GPC5: variants seen among roughly 807,000 people sequenced by gnomAD.
GPC5 encodes the protein glypican-5.
GPC5 carries 47 observed loss-of-function variants against 53.9 expected under a neutral mutation model. The observed-to-expected ratio is 0.87, with a 90% CI of 0.69 to 1.11. The LOEUF is 1.11. Among genes scored for constraint, GPC5 ranks in the 50% most tolerant of loss-of-function variants. GPC5 has a pLI of 0.00. For synonymous variants in GPC5, 286 were observed against 263.3 expected (o/e 1.09, Z -0.84); for missense variants, 748 against 713.1 (o/e 1.05, Z -0.56).
intron 7 of GPC5, among the ~76,000 whole-genome samples, chr13:92,189,424 G>A (rs898523414): frequency 6.6e-6 from 1 of 152,094 alleles, no homozygotes; most frequent in African/African-American, 2.4e-5. Context: ...GGGACAATGA[G>A]AATGACTTGT....
rs575186327 is a variant in GPC5 at position 91,743,296 on chromosome 13, G to A, written c.1155-12999G>A. On this transcript the variant is annotated intron_variant, in intron 4 of 7. Transcript: ENST00000377067. ...TGAAGAGGATTCAAGTTCAAATTAC[G>A]ATGAAATTGATGATTTTATAGGAGT... 2.1e-4 allele frequency among the ~76,000 whole-genome samples: 32 copies of A among 152,118 alleles called. 1 individual carries two copies. The South Asian group carries it at 4.1e-3, about 20-fold the overall frequency.
At chr13:91,822,170 T>G (rs1418584764) in intron 5 of GPC5, among the ~76,000 whole-genome samples, 2 of 152,120 alleles carry the variant, frequency 1.3e-5, no homozygotes, top group East Asian at 3.9e-4. Context: ...ATCCCCAAAG[T>G]AGAAGTTATT....
chr13:92,201,015 A>G (rs888451406), intron 7 of GPC5, among the ~76,000 whole-genome samples: 2 of 142,846 alleles, frequency 1.4e-5, no homozygotes, highest in South Asian at 2.3e-4. Flanking sequence ...ACACACGCAC[A>G]CACACGGGAG....
At chr13:92,033,036 C>CGTGTGTGT (rs60958496) in intron 6 of GPC5, among the ~76,000 whole-genome samples, 29,032 of 138,748 alleles carry the variant, frequency 0.21, 3,330 homozygotes, top group Admixed American at 0.27. Context: ...TAGTTATTGT[C>CGTGTGTGT]GTGTGTGTGT....
intron 7 of GPC5, among the ~76,000 whole-genome samples, chr13:92,479,036 T>C (rs1879252987): frequency 6.6e-6 from 1 of 152,168 alleles, no homozygotes; most frequent in Non-Finnish European, 1.5e-5. Context: ...TTAGGCAATA[T>C]GTACCTCCAA....
intron 7 of GPC5, among the ~76,000 whole-genome samples, chr13:92,205,139 G>A (rs936238648): frequency 6.6e-6 from 1 of 151,932 alleles, no homozygotes; most frequent in African/African-American, 2.4e-5. Context: ...CGGCCTCCCA[G>A]AGTGCTGGGA....
intron 6 of GPC5, among the ~76,000 whole-genome samples, chr13:91,937,476 C>T (rs1051046158): frequency 3.9e-5 from 6 of 152,068 alleles, no homozygotes; most frequent in East Asian, 1.9e-4. Context: ...AAATCCTCAC[C>T]GGTAAATGCC....
chr13:92,123,475 A>G (rs2041668016), intron 6 of GPC5, among the ~76,000 whole-genome samples: 1 of 152,220 alleles, frequency 6.6e-6, no homozygotes, highest in Non-Finnish European at 1.5e-5. Flanking sequence ...CATGTTTATT[A>G]CAAATTTTAC....
intron 3 of GPC5, among the ~76,000 whole-genome samples, chr13:91,721,105 CT>C: frequency 8.0e-6 from 1 of 125,450 alleles, no homozygotes; most frequent in African/African-American, 3.0e-5. Flanking sequence ...TTCTTTCTTT[CT>C]TTCTTTCTTT....
chr13:92,164,629 A>T (rs2139010992), intron 7 of GPC5, among the ~76,000 whole-genome samples: 1 of 152,256 alleles, frequency 6.6e-6, no homozygotes, highest in Admixed American at 6.5e-5. Flanking sequence ...CCAGGCACAC[A>T]GTGCAAGCTG....
At chr13:92,432,631 T>A (rs560961358) in intron 7 of GPC5, among the ~76,000 whole-genome samples, 15 of 151,828 alleles carry the variant, frequency 9.9e-5, no homozygotes, top group African/African-American at 3.4e-4. Context: ...CGCCTCCGCC[T>A]CCCAAAATGC....
intron 7 of GPC5, among the ~76,000 whole-genome samples, chr13:92,412,323 G>A (rs1876081079): frequency 6.6e-6 from 1 of 152,074 alleles, no homozygotes; most frequent in Non-Finnish European, 1.5e-5. Flanking sequence ...ATATATCAGT[G>A]AGTAAAACAG....
chr13:92,318,865 G>C (rs1280994529), intron 7 of GPC5, among the ~76,000 whole-genome samples: 1 of 152,034 alleles, frequency 6.6e-6, no homozygotes, highest in African/African-American at 2.4e-5. Context: ...ATTTTTGGGG[G>C]GGCTTTTGTT....
intron 4 of GPC5, among the ~76,000 whole-genome samples, chr13:91,740,702 T>C (rs529075278): frequency 4.6e-5 from 7 of 152,234 alleles, no homozygotes; most frequent in African/African-American, 1.4e-4. Flanking sequence ...CAGCAAAGCA[T>C]CACAATTTTC....
At chr13:91,665,096 C>G (rs572705632) in intron 2 of GPC5, among the ~76,000 whole-genome samples, 15 of 152,262 alleles carry the variant, frequency 9.9e-5, no homozygotes, top group African/African-American at 2.9e-4. Flanking sequence ...AGAAATTGCT[C>G]TCTTTGGTAT....
chr13:91,632,839 GA>G (rs1158458953), intron 2 of GPC5, among the ~76,000 whole-genome samples: 1 of 152,128 alleles, frequency 6.6e-6, no homozygotes, highest in Non-Finnish European at 1.5e-5. Flanking sequence ...ACAGAATTTA[GA>G]AAGATTATCT....
At chr13:92,045,548 T>C (rs1468731540) in intron 6 of GPC5, among the ~76,000 whole-genome samples, 1 of 152,126 alleles carries the variant, frequency 6.6e-6, no homozygotes, top group Non-Finnish European at 1.5e-5. Flanking sequence ...ATGATCATGA[T>C]TGTCACCATC....
At chr13:92,102,609 G>A (rs1208159638) in intron 6 of GPC5, among the ~76,000 whole-genome samples, 2 of 152,122 alleles carry the variant, frequency 1.3e-5, no homozygotes, top group African/African-American at 4.8e-5. Flanking sequence ...GGTTATAATT[G>A]GTGGTTCAGA....
chr13:91,589,374 A>G (rs945530), intron 2 of GPC5, among the ~76,000 whole-genome samples: 95,509 of 151,482 alleles, frequency 0.63, 31,469 homozygotes, highest in South Asian at 0.83. Flanking sequence ...ACCTGTTTCT[A>G]GATCATCTAT....
Sources: allele counts gnomAD v4.1 joint callset (sites outside exome capture counted in the v4.1 genomes callset), GRCh38; gene constraint gnomAD v4.1.1; transcripts MANE v1.5; gene names NCBI Gene and HGNC (gene_info 2026-07-23, HGNC 2026-07-21).